The following LMBR1 variants were observed in gnomAD, a reference collection of about 807,000 sequenced individuals.
LMBR1 encodes limb region 1 protein homolog.
In LMBR1, 52 loss-of-function variants were observed where a neutral mutation model predicts 73.9. The ratio of observed to expected loss-of-function variants is 0.70; its 90% CI spans 0.56 to 0.89. LMBR1 has a LOEUF of 0.89. LMBR1 is among the 40% of genes least tolerant of loss of function. The pLI is 0.00. For missense variants in LMBR1, 539 were observed against 579.8 expected (o/e 0.93, Z 0.72); for synonymous variants, 215 against 209.4 (o/e 1.03, Z -0.23).
chr7:156,867,654 T>C (rs974823120), intron 1 of LMBR1, among the ~76,000 whole-genome samples: 1 of 152,222 alleles, frequency 6.6e-6, no homozygotes, highest in African/African-American at 2.4e-5. Context: ...AGCAGCTAGA[T>C]ATAAAATAGT....
intron 1 of LMBR1, among the ~76,000 whole-genome samples, chr7:156,866,841 A>T (rs1470646298): frequency 6.6e-6 from 1 of 152,114 alleles, no homozygotes; most frequent in Non-Finnish European, 1.5e-5. Flanking sequence ...TGACCTCATG[A>T]TCCACCCGCC....
intron 15 of LMBR1, among the ~76,000 whole-genome samples, chr7:156,720,101 A>G (rs1219536598): frequency 6.6e-6 from 1 of 151,808 alleles, no homozygotes; most frequent in Non-Finnish European, 1.5e-5. Flanking sequence ...CAAAATTGAC[A>G]AATGGGATCT....
intron 1 of LMBR1, among the ~76,000 whole-genome samples, chr7:156,854,578 T>G (rs1018734536): frequency 1.5e-4 from 23 of 152,190 alleles, no homozygotes; most frequent in Non-Finnish European, 2.8e-4. Flanking sequence ...TACCCACAGC[T>G]TAACCTATTT....
At chr7:156,755,165 T>C (rs1229543193) in intron 9 of LMBR1, among the ~76,000 whole-genome samples, 2 of 152,254 alleles carry the variant, frequency 1.3e-5, no homozygotes, top group Non-Finnish European at 2.9e-5. Context: ...TTTTTACTGA[T>C]TTTGGCTTGG....
At chr7:156,803,627 G>A (rs1831428943) in intron 4 of LMBR1, among the ~76,000 whole-genome samples, 1 of 152,096 alleles carries the variant, frequency 6.6e-6, no homozygotes, top group Non-Finnish European at 1.5e-5. Context: ...ATTTGACCCA[G>A]CCATCCCATT....
intron 2 of LMBR1, 126 bp from the exon 3 acceptor site, chr7:156,833,918 G>A: frequency 1.6e-6 from 1 of 626,484 alleles, no homozygotes; most frequent in East Asian, 3.0e-5. Flanking sequence ...TTTTCAAAAA[G>A]CACTGTATTT....
At chr7:156,868,418 G>A (rs1441473751) in intron 1 of LMBR1, among the ~76,000 whole-genome samples, 1 of 152,130 alleles carries the variant, frequency 6.6e-6, no homozygotes, top group Non-Finnish European at 1.5e-5. Context: ...GCTCACGCCT[G>A]TTATCCCAGC....
Position 156,722,942 on chromosome 7 carries a change from CAG to C in LMBR1, c.1225+1168_1225+1169del, listed in dbSNP as rs1814916864. ...AAATGATAGGTTGGCTGAAATATAA[CAG>C]AAATTATTTAATAGACTGTCATAAT... is the stretch of plus-strand genomic sequence containing the variant. On this transcript the variant is annotated intron_variant, in intron 15 of 16. Transcript: ENST00000353442. 3.9e-5 allele frequency among the ~76,000 whole-genome samples: 6 copies of C among 152,122 alleles called. 1 individual carries two copies. The highest frequency in any genetic ancestry group is 6.8e-3 in the Middle Eastern group (2 of 294).
rs780569489 is a variant in LMBR1, at chr7:156,868,596, G to T, written c.66+24332C>A. Among the ~76,000 whole-genome samples, 6 of 151,986 alleles carry T rather than the reference G, an allele frequency of 3.9e-5. 1 individual carries two copies. The highest frequency in any genetic ancestry group is 7.4e-5 in the Non-Finnish European group (5 of 67,996). ...GAGAATTGCTTGAACCTTGGAGGCG[G>T]AGGTTGCAGTGAGCCTAGATGGTGC... is the stretch of plus-strand genomic sequence containing the variant. On this transcript the variant is annotated intron_variant, in intron 1 of 16. Transcript: ENST00000353442.
At chr7:156,809,554 T>C (rs907329789) in intron 4 of LMBR1, among the ~76,000 whole-genome samples, 3 of 152,208 alleles carry the variant, frequency 2.0e-5, no homozygotes, top group Non-Finnish European at 4.4e-5. Context: ...TTATACTATA[T>C]TGTTTAGGGA....
chr7:156,807,187 T>G (rs1832290839), intron 4 of LMBR1, among the ~76,000 whole-genome samples: 2 of 152,216 alleles, frequency 1.3e-5, no homozygotes, highest in South Asian at 4.1e-4. Context: ...GTCATGAAAC[T>G]TTCAGTTTTC....
rs953625664 is a variant in LMBR1 at position 156,713,568 on chromosome 7, G to GA, written c.1225+10543dup. On this transcript the variant is annotated intron_variant, in intron 15 of 16. Coordinates refer to ENST00000353442, the MANE Select transcript of LMBR1 (RefSeq NM_022458.4). ...AAAACTGCTCTAAAAAATCTGTCTG[G>GA]AAAAAAAAAACAAAAGGCAAATGAG... is the stretch of plus-strand genomic sequence containing the variant. Among the ~76,000 whole-genome samples, 71 of 146,838 alleles carry GA rather than the reference G, an allele frequency of 4.8e-4. 1 individual carries two copies. Among genetic ancestry groups the GA allele is most frequent in the Non-Finnish European group, 6.2e-4 (41 of 66,272 alleles).
intron 1 of LMBR1, among the ~76,000 whole-genome samples, chr7:156,888,899 C>A (rs1802407686): frequency 6.6e-6 from 1 of 151,778 alleles, no homozygotes; most frequent in African/African-American, 2.4e-5. Flanking sequence ...ACTAAAAATA[C>A]AAAAATTAGC....
intron 9 of LMBR1, among the ~76,000 whole-genome samples, chr7:156,746,214 C>T (rs1408284000): frequency 6.6e-6 from 1 of 152,128 alleles, no homozygotes; most frequent in Non-Finnish European, 1.5e-5. Context: ...GTAATTAATG[C>T]TCATTTAACT....
intron 4 of LMBR1, among the ~76,000 whole-genome samples, chr7:156,819,594 CAAAACTGT>C (rs1281482608): frequency 6.6e-6 from 1 of 152,144 alleles, no homozygotes; most frequent in African/African-American, 2.4e-5. Flanking sequence ...ATAAATGTCA[CAAAACTGT>C]AAATGACAGA....
chr7:156,690,911 C>T (rs1807038618), intron 15 of LMBR1, among the ~76,000 whole-genome samples: 1 of 152,072 alleles, frequency 6.6e-6, no homozygotes, highest in South Asian at 2.1e-4. Context: ...AGGTTTCTGG[C>T]ATGGCAATAA....
intron 9 of LMBR1, among the ~76,000 whole-genome samples, chr7:156,754,670 C>T (rs763149234): frequency 3.9e-5 from 6 of 152,248 alleles, no homozygotes; most frequent in African/African-American, 1.2e-4. Flanking sequence ...GTAACTGTTA[C>T]AACAAAACAC....
chr7:156,872,109 C>G (rs535924656), intron 1 of LMBR1: 1 of 152,194 alleles, frequency 6.6e-6, no homozygotes, highest in Middle Eastern at 3.4e-3. Flanking sequence ...CGTAGCCAGT[C>G]AGGTTTATCT....
At chr7:156,790,926 AG>A (rs1446951176) in intron 5 of LMBR1, among the ~76,000 whole-genome samples, 1 of 152,214 alleles carries the variant, frequency 6.6e-6, no homozygotes, top group East Asian at 1.9e-4. Context: ...CAATTCCAAA[AG>A]GAAGCTGAAG....
Sources: allele counts gnomAD v4.1 joint callset (sites outside exome capture counted in the v4.1 genomes callset), GRCh38; gene constraint gnomAD v4.1.1; transcripts MANE v1.5; gene names NCBI Gene and HGNC (gene_info 2026-07-23, HGNC 2026-07-21).